The following TBCE variants were observed in gnomAD, a reference collection of about 807,000 sequenced individuals.
TBCE encodes tubulin folding cofactor E.
In TBCE, 53 loss-of-function variants were observed where a neutral mutation model predicts 77.0. The observed-to-expected ratio is 0.69, with a 90% CI of 0.55 to 0.87. The LOEUF (loss-of-function observed/expected upper bound fraction) is 0.87. Among genes scored for constraint, TBCE ranks in the 40% least tolerant of loss-of-function variants. The pLI, the probability that TBCE is intolerant of heterozygous loss-of-function variation, is 0.00. For synonymous variants in TBCE, 235 were observed against 241.3 expected, an observed-to-expected ratio of 0.97 and a Z score of 0.24; for missense variants, 624 against 622.4, an observed-to-expected ratio of 1.00 and a Z score of -0.03.
chr1:235,401,468 ATC>A (rs1191257598), intron 2 of TBCE, 33 bp from the exon 3 acceptor site: 2 of 1,571,550 alleles, frequency 1.3e-6, no homozygotes, highest in Non-Finnish European at 1.8e-6. Flanking sequence ...CTGTATCATC[ATC>A]TGTTACTCAT....
chr1:235,392,557 C>T (rs554952201), intron 2 of TBCE, among the ~76,000 whole-genome samples: 1 of 151,268 alleles, frequency 6.6e-6, no homozygotes, highest in South Asian at 2.1e-4. Flanking sequence ...ATTACAGGCA[C>T]CCCCCTCCAT....
At chr1:235,446,702 T>C (rs1682343466) in intron 15 of TBCE, among the ~76,000 whole-genome samples, 1 of 151,872 alleles carries the variant, frequency 6.6e-6, no homozygotes, top group Non-Finnish European at 1.5e-5. Flanking sequence ...CAGGTTTTTT[T>C]TTTTTTTTTG....
At chr1:235,406,501 CCAAAGAA>C (rs1487781452) in intron 3 of TBCE, among the ~76,000 whole-genome samples, 27 of 152,286 alleles carry the variant, frequency 1.8e-4, no homozygotes, top group Admixed American at 4.6e-4. Flanking sequence ...TTTGGTATAT[CCAAAGAA>C]CAAAGAACAA....
At chr1:235,433,043 G>A (rs1297468792) in intron 7 of TBCE, 2 of 1,550,444 alleles carry the variant, frequency 1.3e-6, no homozygotes, top group Non-Finnish European at 1.7e-6. Flanking sequence ...TGCTCCACCA[G>A]CAACTGCATC....
intron 14 of TBCE, among the ~76,000 whole-genome samples, chr1:235,442,086 C>T: frequency 6.6e-6 from 1 of 151,526 alleles, no homozygotes; most frequent in East Asian, 1.9e-4. Flanking sequence ...CAGCTCATTG[C>T]AACCTCCGCC....
chr1:235,431,411 GA>G (rs1681078260), intron 7 of TBCE, among the ~76,000 whole-genome samples: 2 of 150,640 alleles, frequency 1.3e-5, no homozygotes, highest in Non-Finnish European at 2.9e-5. Context: ...GCCCAGGCTA[GA>G]GTGCAATGGT....
intron 6 of TBCE, chr1:235,429,844 A>T (rs1289156312): frequency 6.6e-6 from 1 of 152,244 alleles, no homozygotes; most frequent in Non-Finnish European, 1.5e-5. Context: ...CAGCCTCCCA[A>T]GTAGCTGGGA....
chr1:235,388,458 T>C (rs932344404), intron 2 of TBCE, among the ~76,000 whole-genome samples: 49 of 151,908 alleles, frequency 3.2e-4, no homozygotes, highest in African/African-American at 1.2e-3. Context: ...CCAGCTAATT[T>C]TTGTATTTTT....
chr1:235,412,996 TTTC>T (rs1679899685), intron 3 of TBCE, among the ~76,000 whole-genome samples: 1 of 151,740 alleles, frequency 6.6e-6, no homozygotes, highest in African/African-American at 2.4e-5. Context: ...AGAGATGGGG[TTTC>T]TTCATGTTGG....
At chr1:235,405,957 A>G (rs1679401699) in intron 3 of TBCE, among the ~76,000 whole-genome samples, 1 of 152,194 alleles carries the variant, frequency 6.6e-6, no homozygotes, top group Non-Finnish European at 1.5e-5. Flanking sequence ...ACACGTCATT[A>G]TGTGGTGCAT....
chr1:235,417,067 A>G (rs2153204), intron 4 of TBCE, among the ~76,000 whole-genome samples: 100,637 of 152,106 alleles, frequency 0.66, 33,677 homozygotes, highest in African/African-American at 0.76. Context: ...GTCTTATCTC[A>G]TCAATAAAAT....
intron 15 of TBCE, among the ~76,000 whole-genome samples, chr1:235,446,396 C>CA (rs2102948586): frequency 6.6e-6 from 1 of 152,198 alleles, no homozygotes; most frequent in Non-Finnish European, 1.5e-5. Flanking sequence ...AGGCTGGTCT[C>CA]AAACTCCTGA....
In TBCE at chr1:235,450,615, A is replaced by G. The variant is rs780434557; in HGVS notation, c.*1853A>G. ...ATGCCATTCCGTAATGAACGATTTT[A>G]GAAACCACAAGTGAGTTTCATGTTT... On this transcript the variant is annotated 3_prime_UTR_variant, in exon 17 of 17. Coordinates refer to ENST00000642610, the MANE Select transcript of TBCE (RefSeq NM_003193.5). The G allele has an allele frequency of 5.2e-6, 2 of 384,572 alleles. No individual in the cohort carries two copies. The highest frequency in any genetic ancestry group is 4.9e-6 in the Non-Finnish European group (1 of 205,428). The allele number at this position is 384,572 out of a possible 1,614,324, so 23.8% of individuals were successfully genotyped here. A position where few individuals can be genotyped will look rare whatever the true frequency, so the allele number is the denominator to read the frequency against.
chr1:235,374,005 T>C lies in TBCE; in HGVS notation c.-31-6014T>C, dbSNP rs1190314390. On this transcript the variant is annotated intron_variant, in intron 1 of 16. Transcript: ENST00000642610. Reference sequence around the variant, plus strand: ...TATTTATTTTTTTGAGACTGAGTCTTTCTTTGTTGCCCAGGCTGGAATGCA... The same window carrying C: ...TATTTATTTTTTTGAGACTGAGTCTCTCTTTGTTGCCCAGGCTGGAATGCA... Among the ~76,000 whole-genome samples, 7 of 144,996 alleles carry C rather than the reference T, an allele frequency of 4.8e-5. 1 individual carries two copies. Among genetic ancestry groups the C allele is most frequent in the African/African-American group, 1.9e-4 (7 of 37,376 alleles).
chr1:235,370,536 C>T (rs1421345855), intron 1 of TBCE, among the ~76,000 whole-genome samples: 2 of 149,652 alleles, frequency 1.3e-5, no homozygotes, highest in Non-Finnish European at 3.0e-5. Flanking sequence ...CAGGCGTGAG[C>T]CACTGCACCC....
chr1:235,379,983 A>G (rs1370254438), intron 1 of TBCE, 36 bp from the exon 2 acceptor site: 15 of 1,220,804 alleles, frequency 1.2e-5, no homozygotes, highest in Admixed American at 5.6e-5. Flanking sequence ...AAGGAATTGT[A>G]TTAAGTTCTT....
chr1:235,400,418 T>TTTTTTTTTTTTTTTTTTA (rs1679026101), intron 2 of TBCE, among the ~76,000 whole-genome samples: 2 of 148,110 alleles, frequency 1.4e-5, no homozygotes, highest in Admixed American at 1.3e-4. Flanking sequence ...CTTTTTTTTT[T>TTTTTTTTTTTTTTTTTTA]GAGATGGAGT....
At chr1:235,396,309 C>T (rs1179638206) in intron 2 of TBCE, among the ~76,000 whole-genome samples, 2 of 151,896 alleles carry the variant, frequency 1.3e-5, no homozygotes, top group East Asian at 3.9e-4. Flanking sequence ...CTGCCCGCCT[C>T]TGCCTCCCAA....
At chr1:235,382,587 G>A (rs1464057504) in intron 2 of TBCE, among the ~76,000 whole-genome samples, 1 of 152,020 alleles carries the variant, frequency 6.6e-6, no homozygotes, top group East Asian at 1.9e-4. Context: ...ATTTTTTCAT[G>A]TGTTTTTTGG....
Sources: allele counts gnomAD v4.1 joint callset (sites outside exome capture counted in the v4.1 genomes callset), GRCh38; gene constraint gnomAD v4.1.1; transcripts MANE v1.5; gene names NCBI Gene and HGNC (gene_info 2026-07-23, HGNC 2026-07-21).